The following WDR64 variants were observed in gnomAD, a reference collection of about 807,000 sequenced individuals.
WDR64 encodes the protein WD repeat-containing protein 64.
Under a neutral mutation model 139.3 loss-of-function variants are expected in WDR64, and 112 were observed. The observed-to-expected ratio is 0.80, with a 90% CI of 0.69 to 0.94. The LOEUF is 0.94. WDR64 is among the 40% of genes least tolerant of loss of function. The pLI is 0.00. For missense variants in WDR64, 1,206 were observed against 1,293.1 expected (o/e 0.93, Z 1.03); for synonymous variants, 444 against 437.7 (o/e 1.01, Z -0.18).
At chr1:241,735,680 G>A (rs7418367) in intron 10 of WDR64, among the ~76,000 whole-genome samples, 39,387 of 151,324 alleles carry the variant, frequency 0.26, 5,384 homozygotes, top group South Asian at 0.34. Flanking sequence ...GATTACAGGC[G>A]TGCACCATCA....
intron 10 of WDR64, among the ~76,000 whole-genome samples, chr1:241,737,223 T>C (rs551810099): frequency 7.2e-4 from 110 of 152,388 alleles, no homozygotes; most frequent in African/African-American, 2.6e-3. Context: ...GTACAAGTTC[T>C]GATAATACTA....
At chr1:241,664,410 T>G (rs1486192253) in intron 2 of WDR64, among the ~76,000 whole-genome samples, 2 of 152,202 alleles carry the variant, frequency 1.3e-5, no homozygotes, top group Non-Finnish European at 2.9e-5. Context: ...CATTTGGAAA[T>G]TAGAAAAGTC....
At chr1:241,675,090 CTT>C (rs1666462594) in intron 4 of WDR64, among the ~76,000 whole-genome samples, 2 of 118,102 alleles carry the variant, frequency 1.7e-5, no homozygotes, top group Non-Finnish European at 3.5e-5. Context: ...TCCCTTCATC[CTT>C]CCTCCCTCCC....
At chr1:241,687,259 GC>G (rs905910340) in intron 7 of WDR64, among the ~76,000 whole-genome samples, 5 of 146,942 alleles carry the variant, frequency 3.4e-5, no homozygotes, top group African/African-American at 1.3e-4. Context: ...AGCCGAGATC[GC>G]ACCACTGCAC....
chr1:241,762,974 A>G (rs2148286863), intron 15 of WDR64, among the ~76,000 whole-genome samples: 1 of 152,332 alleles, frequency 6.6e-6, no homozygotes, highest in South Asian at 2.1e-4. Flanking sequence ...TTTAAAATCA[A>G]TATACACAGT....
chr1:241,795,438 A>G, intron 26 of WDR64, 151 bp downstream of exon 26: 1 of 637,982 alleles, frequency 1.6e-6, no homozygotes, highest in East Asian at 2.9e-5. Flanking sequence ...CAGTCCCAGA[A>G]AAGTCTTGGA....
At chr1:241,794,512 T>C in intron 25 of WDR64, among the ~76,000 whole-genome samples, 1 of 141,222 alleles carries the variant, frequency 7.1e-6, no homozygotes, top group East Asian at 2.1e-4. Flanking sequence ...CTGTTTTTTT[T>C]TTTTTTTTTT....
intron 3 of WDR64, 147 bp from the exon 4 acceptor site, chr1:241,674,497 C>T: frequency 1.9e-6 from 1 of 527,614 alleles, no homozygotes; most frequent in Non-Finnish European, 3.5e-6. Context: ...TTGAGCAATC[C>T]ACCTTCCTTA....
intron 2 of WDR64, 115 bp from the exon 3 acceptor site, chr1:241,670,959 C>G: frequency 4.3e-6 from 3 of 689,680 alleles, no homozygotes; most frequent in Non-Finnish European, 7.0e-6. Context: ...ATTCACAAAG[C>G]AGGGTGCTGG....
At chr1:241,791,423 T>C (rs914427726) in intron 25 of WDR64, among the ~76,000 whole-genome samples, 2 of 152,186 alleles carry the variant, frequency 1.3e-5, no homozygotes, top group Admixed American at 6.5e-5. Flanking sequence ...ACCCATCACA[T>C]TGGGAGATCA....
chr1:241,673,880 C>G (rs1666348988), intron 3 of WDR64, among the ~76,000 whole-genome samples: 1 of 151,602 alleles, frequency 6.6e-6, no homozygotes, highest in African/African-American at 2.4e-5. Context: ...TAGTTTCATT[C>G]TTTTATATTG....
rs1667789489 is a variant in WDR64, at chr1:241,703,073, A to T, written c.975-8729A>T. Among the ~76,000 whole-genome samples, 1 of 152,182 alleles carries T rather than the reference A, an allele frequency of 6.6e-6. No homozygotes were observed. The highest frequency in any genetic ancestry group is 6.5e-5 in the Admixed American group (1 of 15,278). ...TTTTTAAAAATGCCTTACCTGAGGC[A>T]TTCTGAAATTTCTTTCCTCTTATAT... On this transcript the variant is annotated intron_variant, in intron 8 of 27. Transcript: ENST00000437684. The surrounding 1 kb of genome is among the most constrained non-coding windows in gnomAD (Gnocchi z 5.9).
At chr1:241,734,332 C>T (rs935919116) in intron 10 of WDR64, among the ~76,000 whole-genome samples, 3 of 152,050 alleles carry the variant, frequency 2.0e-5, no homozygotes, top group African/African-American at 7.2e-5. Context: ...GTGAGGACCC[C>T]CTGAGTGAGG....
intron 23 of WDR64, among the ~76,000 whole-genome samples, chr1:241,784,362 A>G (rs1282670814): frequency 1.3e-5 from 2 of 152,226 alleles, no homozygotes; most frequent in Non-Finnish European, 2.9e-5. Context: ...GGCTTGGATT[A>G]GAGGAGTGGT....
intron 10 of WDR64, among the ~76,000 whole-genome samples, chr1:241,732,502 A>G (rs1010232815): frequency 6.6e-6 from 1 of 151,948 alleles, no homozygotes; most frequent in African/African-American, 2.4e-5. Flanking sequence ...TGCTCTAGTC[A>G]CTCTATAATA....
intron 10 of WDR64, among the ~76,000 whole-genome samples, chr1:241,726,372 C>G (rs1668840662): frequency 6.6e-6 from 1 of 151,858 alleles, no homozygotes; most frequent in Admixed American, 6.6e-5. Context: ...GAGTTCAAGA[C>G]CAGCCTGGGC....
chr1:241,713,482 A>G (rs913247996), intron 9 of WDR64, among the ~76,000 whole-genome samples: 4 of 143,618 alleles, frequency 2.8e-5, no homozygotes, highest in African/African-American at 1.1e-4. Context: ...AAAGGAAGGG[A>G]AAGAAAGAAG....
At position 241,741,627 on chromosome 1, in the gene WDR64, A is replaced by C. The variant is rs145306473; in HGVS notation, c.1433A>C (p.His478Pro). ...GTCATGCTTTACAACAAATATTTTC[A>C]TCAAGTACTCACTATCTGCTCTGAA... ...INVMLYNKYF[H>P]QVLTICSESI... Residue 478 changes from histidine (H) to proline (P), a missense_variant, in exon 12 of 28, where the codon CAT (histidine) becomes CCT (proline). Coordinates refer to ENST00000437684, the MANE Select transcript of WDR64 (RefSeq NM_001367482.1). 1 of 1,612,838 alleles carries C rather than the reference A, an allele frequency of 6.2e-7. No homozygotes were observed. The highest frequency in any genetic ancestry group is 1.7e-5 in the Admixed American group (1 of 59,890).
chr1:241,680,975 A>T (rs562351682), intron 6 of WDR64, among the ~76,000 whole-genome samples: 2 of 152,110 alleles, frequency 1.3e-5, no homozygotes, highest in Non-Finnish European at 2.9e-5. Context: ...TCACCTACAG[A>T]TTTAACTGGA....
Sources: allele counts gnomAD v4.1 joint callset (sites outside exome capture counted in the v4.1 genomes callset), GRCh38; gene constraint gnomAD v4.1.1; non-coding constraint Gnocchi (gnomAD v3.1); transcripts MANE v1.5; gene names NCBI Gene and HGNC (gene_info 2026-07-23, HGNC 2026-07-21).